Variants in TGM3 observed in about 807,000 individuals in gnomAD.
The protein encoded by TGM3 is protein-glutamine gamma-glutamyltransferase E.
In TGM3, 52 loss-of-function variants were observed where a neutral mutation model predicts 73.8. The ratio of observed to expected loss-of-function variants is 0.70; its 90% CI spans 0.56 to 0.89. The LOEUF is 0.89. TGM3 is among the 40% of genes least tolerant of loss of function. The pLI is 0.00. For synonymous variants in TGM3, 372 were observed against 354.9 expected (o/e 1.05, Z -0.54); for missense variants, 928 against 909.9 (o/e 1.02, Z -0.26).
At chr20:2,333,166 C>A (rs767231010) in intron 10 of TGM3, among the ~76,000 whole-genome samples, 15 of 152,188 alleles carry the variant, frequency 9.9e-5, no homozygotes, top group Non-Finnish European at 1.9e-4. Flanking sequence ...ATTTGCTTCA[C>A]ATAAGGAACT....
chr20:2,310,098 G>C, intron 2 of TGM3, 80 bp from the exon 3 acceptor site: 5 of 1,577,190 alleles, frequency 3.2e-6, no homozygotes, highest in Non-Finnish European at 4.3e-6. Flanking sequence ...GTCCCCCAGA[G>C]GGGGGTTGTA....
intron 4 of TGM3, among the ~76,000 whole-genome samples, chr20:2,311,869 C>T (rs924656299): frequency 6.6e-6 from 1 of 151,774 alleles, no homozygotes; most frequent in African/African-American, 2.4e-5. Context: ...TAGAAAGGAG[C>T]CTTTGATCAG....
intron 7 of TGM3, among the ~76,000 whole-genome samples, chr20:2,320,485 C>T (rs1278544090): frequency 6.6e-6 from 1 of 152,206 alleles, no homozygotes; most frequent in Non-Finnish European, 1.5e-5. Flanking sequence ...AAGCGCATAA[C>T]ATTATGTAAG....
intron 11 of TGM3, among the ~76,000 whole-genome samples, chr20:2,338,151 A>G (rs889605162): frequency 6.6e-6 from 1 of 152,194 alleles, no homozygotes; most frequent in African/African-American, 2.4e-5. Context: ...CTAACCTGGT[A>G]CTGACTGGCA....
chr20:2,304,733 G>A (rs1250752342), intron 1 of TGM3, among the ~76,000 whole-genome samples: 7 of 152,140 alleles, frequency 4.6e-5, no homozygotes, highest in Non-Finnish European at 7.3e-5. Flanking sequence ...GACACCCACC[G>A]GGTGTCCTAC....
At chr20:2,298,919 A>G (rs2084126689) in intron 1 of TGM3, among the ~76,000 whole-genome samples, 1 of 152,092 alleles carries the variant, frequency 6.6e-6, no homozygotes, top group Non-Finnish European at 1.5e-5. Flanking sequence ...GCCCGGCTCC[A>G]TGGCCTTCTT....
In TGM3 at chr20:2,338,402, T is replaced by TG. The variant is rs199738074; in HGVS notation, c.1801-1451dup. Among the ~76,000 whole-genome samples, 177 of 151,916 alleles carry TG rather than the reference T, an allele frequency of 1.2e-3. 2 individuals are homozygous for TG. In the East Asian group the frequency reaches 0.029, roughly 25 times the overall value. Reference sequence around the variant, plus strand: ...TCAAATTAAATATCACCATGAAAAATGTGGCAACATCTGTATAGCTTTCTT... The same window carrying TG: ...TCAAATTAAATATCACCATGAAAAATGGTGGCAACATCTGTATAGCTTTCTT... On this transcript the variant is annotated intron_variant, in intron 11 of 12. Transcript: ENST00000381458.
chr20:2,310,947 A>C, intron 3 of TGM3, 64 bp from the exon 4 acceptor site: 2 of 1,444,382 alleles, frequency 1.4e-6, no homozygotes, highest in Non-Finnish European at 1.9e-6. Context: ...GGAGGAGAGG[A>C]GGAACGATCC....
intron 9 of TGM3, among the ~76,000 whole-genome samples, chr20:2,329,899 G>A (rs1010313586): frequency 5.3e-5 from 8 of 152,176 alleles, no homozygotes; most frequent in African/African-American, 1.9e-4. Flanking sequence ...TAGCCTCACT[G>A]GAACAATGAC....
chr20:2,309,502 T>C (rs1274468763), intron 1 of TGM3, among the ~76,000 whole-genome samples, 155 bp from the exon 2 acceptor site: 1 of 152,218 alleles, frequency 6.6e-6, no homozygotes, highest in African/African-American at 2.4e-5. Flanking sequence ...CTATGCAAGA[T>C]CAAGGTCTTT....
intron 9 of TGM3, among the ~76,000 whole-genome samples, chr20:2,329,371 G>A (rs534976809): frequency 6.6e-6 from 1 of 152,180 alleles, no homozygotes; most frequent in Non-Finnish European, 1.5e-5. Flanking sequence ...GCCCCCCCAG[G>A]TGCTGGTATT....
chr20:2,313,865 C>G (rs145120837), intron 5 of TGM3, among the ~76,000 whole-genome samples: 1 of 151,820 alleles, frequency 6.6e-6, no homozygotes, highest in Non-Finnish European at 1.5e-5. Flanking sequence ...CTCGTCTCTA[C>G]AGAAATTAAA....
In TGM3 at chr20:2,334,314, TTATC is replaced by T. The variant is rs1208108182; in HGVS notation, c.1643-799_1643-796del. Among the ~76,000 whole-genome samples the T allele has an allele frequency of 3.9e-5, 6 of 152,174 alleles. No homozygotes were observed. Among genetic ancestry groups the T allele is most frequent in the Admixed American group, 3.3e-4 (5 of 15,288 alleles). ...AGGGCCAGGTTGAGGGGTCTGAACT[TTATC>T]TAAGGCAATGAGGAGCCACGGAAGA... On this transcript the variant is annotated intron_variant, in intron 10 of 12. Transcript: ENST00000381458. The surrounding 1 kb of genome is among the most constrained non-coding windows in gnomAD (Gnocchi z 4.0).
chr20:2,312,836 C>G, intron 4 of TGM3, 62 bp from the exon 5 acceptor site: 6 of 1,605,076 alleles, frequency 3.7e-6, no homozygotes, highest in Non-Finnish European at 5.1e-6. Context: ...GTGCAGTTCC[C>G]TTCTTGAGCC....
intron 7 of TGM3, among the ~76,000 whole-genome samples, chr20:2,319,659 C>A (rs780866812): frequency 1.3e-5 from 2 of 152,148 alleles, no homozygotes; most frequent in Non-Finnish European, 2.9e-5. Context: ...GGGGGCCAGG[C>A]GCAGAAGCTC....
At chr20:2,314,530 T>TACACACACACACACACACAC (rs11473649) in intron 5 of TGM3, among the ~76,000 whole-genome samples, 5 of 136,704 alleles carry the variant, frequency 3.7e-5, no homozygotes, top group African/African-American at 1.4e-4. Flanking sequence ...CATCTACACA[T>TACACACACACACACACACAC]ACACACACAC....
intron 1 of TGM3, among the ~76,000 whole-genome samples, chr20:2,299,317 G>C (rs942278247): frequency 6.6e-6 from 1 of 152,182 alleles, no homozygotes; most frequent in Non-Finnish European, 1.5e-5. Context: ...GCGATTCCCA[G>C]GGGACCCTCT....
chr20:2,317,013 C>T, intron 5 of TGM3, 55 bp from the exon 6 acceptor site: 1 of 1,582,338 alleles, frequency 6.3e-7, no homozygotes, highest in East Asian at 2.3e-5. Flanking sequence ...GCATGTCAGT[C>T]TCCCTAGGAA....
chr20:2,308,049 C>T (rs2084184472), intron 1 of TGM3, among the ~76,000 whole-genome samples: 1 of 151,994 alleles, frequency 6.6e-6, no homozygotes, highest in Admixed American at 6.6e-5. Context: ...TGGCAAAACC[C>T]TGTCTCTACA....
Sources: allele counts gnomAD v4.1 joint callset (sites outside exome capture counted in the v4.1 genomes callset), GRCh38; gene constraint gnomAD v4.1.1; non-coding constraint Gnocchi (gnomAD v3.1); transcripts MANE v1.5; gene names NCBI Gene and HGNC (gene_info 2026-07-23, HGNC 2026-07-21).